Variants in CANX observed in about 807,000 individuals in gnomAD.
The protein encoded by CANX is epididymis secretory sperm binding protein.
A neutral mutation model predicts 75.7 loss-of-function variants in CANX; 14 were observed. The observed-to-expected ratio is 0.19, with a 90% CI of 0.12 to 0.29. The LOEUF is 0.29. CANX is among the 10% of genes least tolerant of loss of function. The pLI, the probability that CANX is intolerant of heterozygous loss-of-function variation, is 1.00. For missense variants in CANX, 567 were observed against 713.2 expected, an observed-to-expected ratio of 0.79 and a Z score of 2.34; for synonymous variants, 227 against 236.9, an observed-to-expected ratio of 0.96 and a Z score of 0.38.
chr5:179,716,017 T>C, intron 7 of CANX, 88 bp from the exon 8 acceptor site: 1 of 987,936 alleles, frequency 1.0e-6, no homozygotes, highest in South Asian at 1.3e-5. Context: ...CTTCTGCTGC[T>C]TCACGTTAGA....
intron 8 of CANX, among the ~76,000 whole-genome samples, chr5:179,718,770 TG>T (rs1404023852): frequency 6.6e-6 from 1 of 152,198 alleles, no homozygotes; most frequent in African/African-American, 2.4e-5. Context: ...TCAGGTGATC[TG>T]CCCACCTTGG....
chr5:179,708,129 C>A, intron 4 of CANX, 110 bp from the exon 5 acceptor site: 2 of 854,082 alleles, frequency 2.3e-6, no homozygotes, highest in Non-Finnish European at 3.8e-6. Context: ...TGAGCGACCA[C>A]GGCTGCCCCA....
At chr5:179,679,090 C>T (rs1339515660) in intron 1 of CANX, 1 of 1,535,814 alleles carries the variant, frequency 6.5e-7, no homozygotes, top group Non-Finnish European at 8.7e-7. Context: ...GCTGCAGCGT[C>T]TGCCACAGGC....
chr5:179,727,268 A>G (rs1778724837), intron 14 of CANX, among the ~76,000 whole-genome samples: 2 of 152,260 alleles, frequency 1.3e-5, no homozygotes, highest in South Asian at 4.1e-4. Context: ...GAAACAGGCA[A>G]TGAGCAGTAA....
chr5:179,719,777 G>T lies in CANX; in HGVS notation c.1021G>T (p.Asp341Tyr), dbSNP rs890647782. 6.4e-7 allele frequency: 1 copy of T among 1,562,982 alleles called. No individual in the cohort carries two copies. The highest frequency in any genetic ancestry group is 8.8e-7 in the Non-Finnish European group (1 of 1,141,422). The change falls in exon 9 of 15, where the codon GAT (aspartate) becomes TAT (tyrosine). Residue 341 changes from aspartate to tyrosine, a missense_variant. Asp to Tyr is a radical substitution (Grantham distance 160, BLOSUM62 -3). This residue lies in a region of CANX where 351 missense variants were observed against 433.8 expected (regional missense o/e 0.81). Transcript: ENST00000247461. Reference sequence around the variant, plus strand: ...TGATCCAGACGCAGAGAAACCTGAGGATTGGTAAGAACTTCAGTTAACTTT... The same window carrying T: ...TGATCCAGACGCAGAGAAACCTGAGTATTGGTAAGAACTTCAGTTAACTTT... Reference protein sequence around the residue: ...VPDPDAEKPEDWDEDMDGEWE... With the variant: ...VPDPDAEKPEYWDEDMDGEWE...
intron 7 of CANX, 27 bp from the exon 8 acceptor site, chr5:179,716,078 T>G (rs772909228): frequency 7.5e-5 from 113 of 1,507,270 alleles, no homozygotes; most frequent in Non-Finnish European, 9.7e-5. Context: ...ATTAAGTACT[T>G]TTAATTCCAT....
chr5:179,686,349 C>T (rs1425963180), intron 1 of CANX, among the ~76,000 whole-genome samples: 4 of 151,554 alleles, frequency 2.6e-5, no homozygotes, highest in South Asian at 2.1e-4. Context: ...CTGCCTGCCT[C>T]GGCCTCCCAA....
At chr5:179,686,405 T>TC (rs1459853704) in intron 1 of CANX, among the ~76,000 whole-genome samples, 1 of 151,244 alleles carries the variant, frequency 6.6e-6, no homozygotes, top group Admixed American at 6.6e-5. Context: ...GCCATCTTTT[T>TC]TTTTTTTTAG....
At chr5:179,726,392 C>T (rs533911674) in intron 13 of CANX, among the ~76,000 whole-genome samples, 6 of 151,918 alleles carry the variant, frequency 3.9e-5, no homozygotes, top group African/African-American at 9.7e-5. Flanking sequence ...CTGGCTAACA[C>T]GGTGAAACCC....
intron 3 of CANX, 126 bp from the exon 4 acceptor site, chr5:179,706,986 AGTTGTGTGACAGATTTAAAG>A (rs1777180819): frequency 1.6e-6 from 1 of 607,412 alleles, no homozygotes; most frequent in Non-Finnish European, 3.0e-6. Flanking sequence ...TATTATCATT[AGTTGTGTGACAGATTTAAAG>A]GTTGGAAGTA....
chr5:179,705,053 C>T (rs1188593643), intron 1 of CANX, among the ~76,000 whole-genome samples: 3 of 151,756 alleles, frequency 2.0e-5, no homozygotes, highest in African/African-American at 7.3e-5. Flanking sequence ...AGTGTAGTGG[C>T]GTGCTCACTG....
upstream of CANX, chr5:179,698,484 T>G: frequency 7.8e-7 from 1 of 1,289,296 alleles, no homozygotes; most frequent in Non-Finnish European, 1.0e-6. Context: ...CCGCGTTCGC[T>G]GCAACGGGCC....
rs1562522578 is a variant in CANX at position 179,726,677 on chromosome 5, TAGAAG to T, written c.1648_1652del (p.Glu550ThrfsTer4). ...TTGCTCAGTTGTTTAACTTCTGTCTTAGAAGAGAAACAGAAAAGTGATGCTGAAGA... is the reference window on the plus strand; with the variant it reads ...TTGCTCAGTTGTTTAACTTCTGTCTTAGAAACAGAAAAGTGATGCTGAAGA... On this transcript the variant is annotated splice_acceptor_variant and coding_sequence_variant, in exon 14 of 15. Transcript: ENST00000247461. LOFTEE classifies it high-confidence loss of function. 1 of 1,606,724 alleles carries T rather than the reference TAGAAG, an allele frequency of 6.2e-7. No homozygotes were observed. Among genetic ancestry groups the T allele is most frequent in the Admixed American group, 1.7e-5 (1 of 59,962 alleles).
upstream of CANX, chr5:179,694,290 C>T: frequency 2.0e-6 from 1 of 511,676 alleles, no homozygotes; most frequent in South Asian, 3.1e-5. Flanking sequence ...AAAGAAAAAC[C>T]CTGTCAATTT....
chr5:179,726,593 AT>A, intron 13 of CANX, 86 bp from the exon 14 acceptor site: 12 of 869,630 alleles, frequency 1.4e-5, no homozygotes, highest in South Asian at 5.2e-5. Flanking sequence ...AAAAAAAAAA[AT>A]TGTAGATCTA....
In CANX at chr5:179,720,653, A is replaced by AT. The variant is rs1174878058; in HGVS notation, c.1182+94dup. On this transcript the variant is annotated intron_variant, in intron 10 of 14. Transcript: ENST00000247461. Reference sequence around the variant, plus strand: ...GAGTAAGGCTGCCAGGTTGGTCATTATATTCAAGCTGTTGAATTAAAAGCA... The same window carrying AT: ...GAGTAAGGCTGCCAGGTTGGTCATTATTATTCAAGCTGTTGAATTAAAAGCA... The AT allele has an allele frequency of 7.2e-6, 8 of 1,110,822 alleles. No homozygotes were observed. The Admixed American group carries it at 7.9e-5, about 11-fold the overall frequency. 68.8% of individuals were successfully genotyped at this position (1,110,822 alleles called of 1,614,324 possible). A position where few individuals can be genotyped will look rare whatever the true frequency, so the allele number is the denominator to read the frequency against.
intron 1 of CANX, chr5:179,679,125 A>G (rs1397653593): frequency 1.3e-5 from 20 of 1,535,498 alleles, no homozygotes; most frequent in Non-Finnish European, 8.7e-6. Flanking sequence ...GTAGCCGAGC[A>G]CTCGAAGGTT....
chr5:179,715,364 C>G (rs557911276), intron 7 of CANX, among the ~76,000 whole-genome samples: 1 of 152,200 alleles, frequency 6.6e-6, no homozygotes, highest in East Asian at 1.9e-4. Flanking sequence ...AAAACCCCAT[C>G]TCTACTTAAA....
chr5:179,709,950 C>G lies in CANX; in HGVS notation c.606C>G (p.Phe202Leu). ...DKCGEDYKLH[F>L]IFRHKNPKTG... ...GTGGAGAGGACTATAAACTGCACTT[C>G]ATCTTCCGACACAAAAACCCCAAAA... The change falls in exon 7 of 15, where the codon TTC becomes TTG. Residue 202 changes from phenylalanine to leucine, a missense_variant. This residue lies in a region of CANX where 351 missense variants were observed against 433.8 expected (regional missense o/e 0.81). Transcript: ENST00000247461. 6.2e-7 allele frequency: 1 copy of G among 1,613,038 alleles called. No homozygotes were observed. The highest frequency in any genetic ancestry group is 8.5e-7 in the Non-Finnish European group (1 of 1,179,096).
Sources: allele counts gnomAD v4.1 joint callset (sites outside exome capture counted in the v4.1 genomes callset), GRCh38; gene constraint gnomAD v4.1.1; regional missense constraint gnomAD v4.1.1; transcripts MANE v1.5; gene names NCBI Gene and HGNC (gene_info 2026-07-23, HGNC 2026-07-21).